DLG2: variants seen among roughly 807,000 people sequenced by gnomAD.
DLG2 encodes discs large MAGUK scaffold protein 2.
A neutral mutation model predicts 132.5 loss-of-function variants in DLG2; 45 were observed. The observed-to-expected ratio is 0.34, with a 90% CI of 0.27 to 0.44. The LOEUF (loss-of-function observed/expected upper bound fraction) is 0.44, where lower values mean the gene tolerates loss of function less well. Among genes scored for constraint, DLG2 ranks in the 20% least tolerant of loss-of-function variants. The pLI is 1.00. For missense variants in DLG2, 1,045 were observed against 1,196.9 expected (o/e 0.87, Z 1.87); for synonymous variants, 424 against 419.6 (o/e 1.01, Z -0.13).
At chr11:84,227,015 G>A (rs1328982513) in intron 8 of DLG2, among the ~76,000 whole-genome samples, 2 of 152,046 alleles carry the variant, frequency 1.3e-5, no homozygotes, top group East Asian at 1.9e-4. Flanking sequence ...GAACCCAGGA[G>A]TCGGAGATTG....
chr11:83,735,483 T>G (rs1006694491), intron 18 of DLG2, among the ~76,000 whole-genome samples: 3 of 152,304 alleles, frequency 2.0e-5, no homozygotes, highest in Non-Finnish European at 4.4e-5. Context: ...ATTCCTACTT[T>G]TAATGATAAA....
chr11:83,477,741 G>GT (rs1254085841), intron 22 of DLG2, among the ~76,000 whole-genome samples: 26 of 131,160 alleles, frequency 2.0e-4, no homozygotes, highest in Middle Eastern at 4.2e-3. Context: ...TGAAAAGAGG[G>GT]GTTTTTTTTT....
intron 6 of DLG2, among the ~76,000 whole-genome samples, chr11:84,796,898 G>A (rs2074697841): frequency 6.6e-6 from 1 of 151,740 alleles, no homozygotes; most frequent in Non-Finnish European, 1.5e-5. Context: ...CCAGGCTGGA[G>A]TGCAATGGTG....
intron 3 of DLG2, among the ~76,000 whole-genome samples, chr11:85,504,535 T>C (rs1598039971): frequency 6.6e-6 from 1 of 152,216 alleles, no homozygotes; most frequent in Non-Finnish European, 1.5e-5. Flanking sequence ...ATGTGTGGTA[T>C]TATTTCTGAG....
intron 17 of DLG2, among the ~76,000 whole-genome samples, chr11:83,819,465 A>AGG (rs1169254156): frequency 1.1e-5 from 1 of 90,854 alleles, no homozygotes; most frequent in African/African-American, 5.5e-5. Context: ...GCAAGACTCT[A>AGG]TCTCAAAAAA....
At chr11:84,528,755 C>T (rs1274014676) in intron 7 of DLG2, among the ~76,000 whole-genome samples, 2 of 152,182 alleles carry the variant, frequency 1.3e-5, no homozygotes, top group Non-Finnish European at 1.5e-5. Flanking sequence ...ACCTTTTTAG[C>T]AGTTCCCTGA....
intron 6 of DLG2, among the ~76,000 whole-genome samples, chr11:84,996,199 T>G (rs907481209): frequency 6.6e-6 from 1 of 152,154 alleles, no homozygotes; most frequent in Non-Finnish European, 1.5e-5. Context: ...GAGTTTGTTT[T>G]TATTTATTTA....
At chr11:83,747,080 A>G (rs2092963660) in intron 18 of DLG2, among the ~76,000 whole-genome samples, 1 of 152,196 alleles carries the variant, frequency 6.6e-6, no homozygotes, top group Admixed American at 6.5e-5. Context: ...TTGGAATATT[A>G]TACAAATGAG....
chr11:84,255,346 T>TG (rs1182721098), intron 7 of DLG2, among the ~76,000 whole-genome samples: 17 of 152,248 alleles, frequency 1.1e-4, no homozygotes, highest in African/African-American at 3.9e-4. Flanking sequence ...ATTTTTGAGA[T>TG]GGGGTCTCGC....
At chr11:85,423,898 C>T (rs367922129) in intron 3 of DLG2, among the ~76,000 whole-genome samples, 35 of 152,132 alleles carry the variant, frequency 2.3e-4, no homozygotes, top group African/African-American at 6.8e-4. Flanking sequence ...CCCCCACCTA[C>T]GGAGTCTGTA....
chr11:84,298,860 G>A (rs1020508277), intron 7 of DLG2, among the ~76,000 whole-genome samples: 3 of 152,200 alleles, frequency 2.0e-5, no homozygotes, highest in African/African-American at 7.2e-5. Flanking sequence ...ATAGTTGGGT[G>A]TGACCAGAAC....
chr11:84,794,193 G>C (rs917737181), intron 6 of DLG2, among the ~76,000 whole-genome samples: 9 of 152,212 alleles, frequency 5.9e-5, no homozygotes, highest in Non-Finnish European at 1.2e-4. Context: ...GAAAGAATAA[G>C]ACCTACTATT....
chr11:84,741,346 G>A (rs2064637967), intron 6 of DLG2, among the ~76,000 whole-genome samples: 2 of 151,994 alleles, frequency 1.3e-5, no homozygotes, highest in Admixed American at 6.5e-5. Context: ...GAGCCACCGC[G>A]CCCGGCCGCC....
intron 5 of DLG2, among the ~76,000 whole-genome samples, chr11:85,143,668 T>C (rs542136566): frequency 1.3e-5 from 2 of 152,032 alleles, no homozygotes; most frequent in South Asian, 2.1e-4. Context: ...ATTTCCTTCC[T>C]GATTTCTTCA....
At chr11:84,669,476 G>A (rs1368809514) in intron 6 of DLG2, among the ~76,000 whole-genome samples, 2 of 152,042 alleles carry the variant, frequency 1.3e-5, no homozygotes, top group East Asian at 3.9e-4. Context: ...TATCACCTCT[G>A]GTGTTCTACT....
At chr11:84,799,314 T>C (rs1379795800) in intron 6 of DLG2, among the ~76,000 whole-genome samples, 2 of 152,082 alleles carry the variant, frequency 1.3e-5, no homozygotes, top group South Asian at 2.1e-4. Context: ...CAGCACTGAG[T>C]TCAATGCAAA....
chr11:85,142,242 T>C (rs536959410), intron 5 of DLG2, among the ~76,000 whole-genome samples: 96 of 151,972 alleles, frequency 6.3e-4, no homozygotes, highest in Non-Finnish European at 1.2e-3. Flanking sequence ...TTACTAATGT[T>C]TTATCGTTTT....
intron 4 of DLG2, among the ~76,000 whole-genome samples, chr11:85,159,578 T>A (rs1482027065): frequency 6.6e-6 from 1 of 152,236 alleles, no homozygotes; most frequent in African/African-American, 2.4e-5. Flanking sequence ...GACAGTTGGA[T>A]CTTGGAGAAG....
intron 11 of DLG2, among the ~76,000 whole-genome samples, chr11:83,987,021 T>G (rs2093369993): frequency 6.6e-6 from 1 of 152,122 alleles, no homozygotes. Context: ...GCCTGTTCAC[T>G]CTGATGGTAG....
Sources: allele counts gnomAD v4.1 joint callset (sites outside exome capture counted in the v4.1 genomes callset), GRCh38; gene constraint gnomAD v4.1.1; transcripts MANE v1.5; gene names NCBI Gene and HGNC (gene_info 2026-07-23, HGNC 2026-07-21).